Variants in GPHN observed in about 807,000 individuals in gnomAD.
GPHN encodes gephyrin.
Under a neutral mutation model 95.5 loss-of-function variants are expected in GPHN, and 17 were observed. The observed-to-expected ratio is 0.18, with a 90% CI of 0.12 to 0.27. The LOEUF (loss-of-function observed/expected upper bound fraction) is 0.27, where lower values mean the gene tolerates loss of function less well. Among genes scored for constraint, GPHN ranks in the 10% least tolerant of loss-of-function variants. The probability of loss-of-function intolerance (pLI) is 1.00; values close to 1 mark genes in which losing one functional copy is unlikely to be tolerated. For missense variants in GPHN, 660 were observed against 978.1 expected (o/e 0.67, Z 4.34); for synonymous variants, 320 against 322.5 (o/e 0.99, Z 0.08).
chr14:67,122,499 A>C, intron 17 of GPHN, 122 bp downstream of exon 17: 270 of 805,292 alleles, frequency 3.4e-4, no homozygotes, highest in East Asian at 5.8e-4. Flanking sequence ...CACTTATCTC[A>C]TTCTTCAGAA....
the GPHN span, among the ~76,000 whole-genome samples, chr14:67,405,105 C>T: frequency 2.6e-5 from 4 of 151,168 alleles, no homozygotes; most frequent in South Asian, 2.1e-4. Flanking sequence ...TGGTGGCAGG[C>T]GCCTGTAATC....
intron 2 of GPHN, chr14:66,761,137 C>A (rs979409483): frequency 5.8e-6 from 2 of 344,008 alleles, no homozygotes; most frequent in African/African-American, 4.3e-5. Flanking sequence ...ATTAATATAT[C>A]TTTCCTACAT....
the GPHN span, among the ~76,000 whole-genome samples, chr14:67,218,852 G>A: frequency 2.0e-5 from 3 of 151,826 alleles, no homozygotes; most frequent in African/African-American, 4.8e-5. Flanking sequence ...TAAGACTGTC[G>A]TACTCTCCCT....
chr14:66,876,200 A>G (rs763156335), intron 4 of GPHN, among the ~76,000 whole-genome samples: 1 of 152,206 alleles, frequency 6.6e-6, no homozygotes, highest in Non-Finnish European at 1.5e-5. Flanking sequence ...TTTGAAACCA[A>G]TGAGAACAAA....
At chr14:67,296,408 G>A in the GPHN span, among the ~76,000 whole-genome samples, 2 of 151,878 alleles carry the variant, frequency 1.3e-5, no homozygotes, top group South Asian at 4.2e-4. Context: ...AGACCATCCT[G>A]GCTAACATGG....
chr14:66,659,008 A>G (rs369644435), intron 1 of GPHN, among the ~76,000 whole-genome samples: 2 of 151,140 alleles, frequency 1.3e-5, no homozygotes, highest in African/African-American at 2.4e-5. Flanking sequence ...ATGCTTGTCA[A>G]TTTCTAGATT....
intron 8 of GPHN, among the ~76,000 whole-genome samples, chr14:66,958,583 G>T (rs553600806): frequency 1.3e-5 from 2 of 152,128 alleles, no homozygotes; most frequent in Non-Finnish European, 2.9e-5. Flanking sequence ...CTGCAAACCT[G>T]TACAGCATGT....
the GPHN span, among the ~76,000 whole-genome samples, chr14:67,496,727 T>C: frequency 2.0e-5 from 3 of 147,532 alleles, no homozygotes; most frequent in Non-Finnish European, 4.5e-5. Flanking sequence ...TCTTTCTTTC[T>C]CTCTCTCTCT....
At chr14:67,283,543 T>A in the GPHN span, among the ~76,000 whole-genome samples, 1 of 152,210 alleles carries the variant, frequency 6.6e-6, no homozygotes, top group African/African-American at 2.4e-5. Flanking sequence ...CAAATTTTTG[T>A]TTAGCTATTG....
Position 66,894,033 on chromosome 14 carries a change from C to CA in GPHN, c.389+14006dup, listed in dbSNP as rs550665824. Among the ~76,000 whole-genome samples, 136 of 152,056 alleles carry CA rather than the reference C, an allele frequency of 8.9e-4. 1 individual carries two copies. Among genetic ancestry groups the CA allele is most frequent in the Admixed American group, 2.8e-3 (42 of 15,256 alleles). On this transcript the variant is annotated intron_variant, in intron 5 of 22. Transcript: ENST00000478722. Reference sequence around the variant, plus strand: ...AACTACTTTAAGGTTCATATGGAACCAAAAAACAGCCCACATTGCCAAGAC... The same window carrying CA: ...AACTACTTTAAGGTTCATATGGAACCAAAAAAACAGCCCACATTGCCAAGAC...
chr14:67,395,259 G>T, the GPHN span: 1 of 666,334 alleles, frequency 1.5e-6, no homozygotes, highest in Non-Finnish European at 2.6e-6. Flanking sequence ...CACAGGACAG[G>T]AACAGCTGAA....
intron 8 of GPHN, among the ~76,000 whole-genome samples, chr14:66,939,561 G>A (rs1431889403): frequency 1.3e-5 from 2 of 151,986 alleles, no homozygotes; most frequent in East Asian, 1.9e-4. Context: ...CACCCCACAC[G>A]CAAGCTGAAG....
intron 8 of GPHN, among the ~76,000 whole-genome samples, chr14:66,943,621 T>G (rs1435834181): frequency 6.6e-6 from 1 of 152,208 alleles, no homozygotes; most frequent in Non-Finnish European, 1.5e-5. Context: ...TTCTCAAAGA[T>G]TAAAGTCACA....
chr14:66,615,400 C>T (rs746053893), intron 1 of GPHN, among the ~76,000 whole-genome samples: 5 of 151,486 alleles, frequency 3.3e-5, no homozygotes, highest in South Asian at 2.1e-4. Context: ...TAATAATTGC[C>T]GTTCTGACTG....
Position 66,748,033 on chromosome 14 carries a change from C to T in GPHN, c.144-28431C>T, listed in dbSNP as rs1267292935. ...GGACTTGAAATAATGGAATATGGTA[C>T]GTCCTAAAGCTTATTTTGTCATTCA... On this transcript the variant is annotated intron_variant, in intron 2 of 22. Transcript: ENST00000478722. Among the ~76,000 whole-genome samples the T allele has an allele frequency of 2.6e-5, 4 of 151,836 alleles. 1 individual carries two copies. The highest frequency in any genetic ancestry group is 1.3e-4 in the Admixed American group (2 of 15,254).
the GPHN span, among the ~76,000 whole-genome samples, chr14:67,308,546 CTTTTTTT>C: frequency 7.5e-3 from 983 of 131,812 alleles, 2 homozygotes; most frequent in Middle Eastern, 0.028. Flanking sequence ...TTTTCTTTTT[CTTTTTTT>C]TTTTTTTTTG....
At chr14:66,674,168 G>A (rs576300186) in intron 1 of GPHN, among the ~76,000 whole-genome samples, 2 of 150,142 alleles carry the variant, frequency 1.3e-5, no homozygotes, top group African/African-American at 4.9e-5. Flanking sequence ...GTGCGATCTC[G>A]GCTCACTGCA....
chr14:66,828,442 T>C (rs2061459651), intron 4 of GPHN, among the ~76,000 whole-genome samples: 1 of 152,148 alleles, frequency 6.6e-6, no homozygotes, highest in Non-Finnish European at 1.5e-5. Context: ...AAGCTGTTTC[T>C]AGACACATTT....
chr14:67,002,213 T>C (rs1168151629), intron 9 of GPHN, among the ~76,000 whole-genome samples: 1 of 151,296 alleles, frequency 6.6e-6, no homozygotes, highest in Non-Finnish European at 1.5e-5. Context: ...GAGGAAGATA[T>C]AGTAATCCCA....
Sources: allele counts gnomAD v4.1 joint callset (sites outside exome capture counted in the v4.1 genomes callset), GRCh38; gene constraint gnomAD v4.1.1; transcripts MANE v1.5; gene names NCBI Gene and HGNC (gene_info 2026-07-23, HGNC 2026-07-21).